The following SPIN1 variants were observed in gnomAD, a reference collection of about 807,000 sequenced individuals.
SPIN1 encodes the protein spindlin-1.
Under a neutral mutation model 26.0 loss-of-function variants are expected in SPIN1, and 3 were observed. The observed-to-expected ratio is 0.12, with a 90% CI of 0.05 to 0.30. SPIN1 has a LOEUF of 0.30. Ranked by LOEUF, SPIN1 falls within the 10% of genes least tolerant of loss-of-function variation. The pLI is 1.00. For missense variants in SPIN1, 126 were observed against 333.4 expected, an observed-to-expected ratio of 0.38 and a Z score of 4.84; for synonymous variants, 101 against 116.5, an observed-to-expected ratio of 0.87 and a Z score of 0.86.
intron 1 of SPIN1, among the ~76,000 whole-genome samples, chr9:88,398,460 A>G (rs1827115087): frequency 6.6e-6 from 1 of 152,074 alleles, no homozygotes; most frequent in East Asian, 1.9e-4. Context: ...GGCTCAAGCT[A>G]CCCTGTGCAG....
At chr9:88,424,731 G>A (rs974510451) in intron 1 of SPIN1, among the ~76,000 whole-genome samples, 2 of 152,174 alleles carry the variant, frequency 1.3e-5, no homozygotes, top group African/African-American at 4.8e-5. Context: ...AGTTATTGTT[G>A]ATAAAAAGGT....
rs146716311 is a variant in SPIN1 at position 88,422,204 on chromosome 9, G to A, written c.-158-4178G>A. ...CTATTGATGGGTCTCTCTGAATGCA[G>A]GACCTTCTTCTTAATGACCTTATAA... On this transcript the variant is annotated intron_variant, in intron 1 of 5. Coordinates refer to ENST00000375859, the MANE Select transcript of SPIN1 (RefSeq NM_006717.3). 3.6e-3 allele frequency among the ~76,000 whole-genome samples: 555 copies of A among 152,208 alleles called. 3 individuals are homozygous for A. The highest frequency in any genetic ancestry group is 5.7e-3 in the Non-Finnish European group (389 of 68,010).
rs776223657 is a variant in SPIN1 at position 88,436,754 on chromosome 9, C to CTTT, written c.52+10189_52+10191dup. On this transcript the variant is annotated intron_variant, in intron 2 of 5. Transcript: ENST00000375859. ...ATATGCACATAAATTTCCTCTGTGTCTTTTTTTTTTTTTTTTTTTTTTTTT... is the reference window on the plus strand; with the variant it reads ...ATATGCACATAAATTTCCTCTGTGTCTTTTTTTTTTTTTTTTTTTTTTTTTTTT... 1.4e-3 allele frequency among the ~76,000 whole-genome samples: 137 copies of CTTT among 98,794 alleles called. 21 individuals are homozygous for CTTT. Among genetic ancestry groups the CTTT allele is most frequent in the Non-Finnish European group, 2.6e-3 (124 of 48,568 alleles). 64.8% of individuals were successfully genotyped at this position (98,794 alleles called of 152,430 possible).
chr9:88,445,462 A>G (rs1828228581), intron 2 of SPIN1, among the ~76,000 whole-genome samples: 1 of 151,370 alleles, frequency 6.6e-6, no homozygotes, highest in African/African-American at 2.4e-5. Flanking sequence ...TTTAGTCTCC[A>G]AGGTAGTACA....
At chr9:88,441,802 AT>A (rs1194791127) in intron 2 of SPIN1, among the ~76,000 whole-genome samples, 1 of 147,750 alleles carries the variant, frequency 6.8e-6, no homozygotes, top group Non-Finnish European at 1.5e-5. Context: ...TTTTTATTAT[AT>A]TTTTGTATTA....
At chr9:88,457,986 T>C (rs1274402948) in intron 3 of SPIN1, 7 of 985,166 alleles carry the variant, frequency 7.1e-6, no homozygotes, top group African/African-American at 3.5e-5. Context: ...GTTTTTCTTT[T>C]ACTAAGGATT....
At chr9:88,425,149 G>A (rs1208457452) in intron 1 of SPIN1, among the ~76,000 whole-genome samples, 1 of 152,042 alleles carries the variant, frequency 6.6e-6, no homozygotes, top group African/African-American at 2.4e-5. Context: ...GAGAGGTTTG[G>A]GCAGGCTGGG....
intron 3 of SPIN1, among the ~76,000 whole-genome samples, chr9:88,457,621 A>C (rs1587811196): frequency 6.6e-6 from 1 of 152,188 alleles, no homozygotes; most frequent in Non-Finnish European, 1.5e-5. Context: ...CTGTAATTTT[A>C]GATGGTAAAA....
At chr9:88,447,703 A>G (rs899415855) in intron 2 of SPIN1, among the ~76,000 whole-genome samples, 1 of 152,208 alleles carries the variant, frequency 6.6e-6, no homozygotes, top group Non-Finnish European at 1.5e-5. Context: ...CCTTCTGAGT[A>G]GATCCCTTCT....
chr9:88,471,654 C>CAAAAAAAAAAA (rs1166469042), intron 5 of SPIN1, among the ~76,000 whole-genome samples: 5 of 59,756 alleles, frequency 8.4e-5, no homozygotes, highest in African/African-American at 1.3e-4. Context: ...GACTCTGTCT[C>CAAAAAAAAAAA]AAAAAAAAAA....
intron 2 of SPIN1, among the ~76,000 whole-genome samples, chr9:88,445,851 A>G (rs80266177): frequency 0.013 from 1,950 of 152,210 alleles, 22 homozygotes; most frequent in Middle Eastern, 0.034. Context: ...TGAGACCTGT[A>G]TGATTCAGAA....
At chr9:88,444,168 G>T (rs1828195786) in intron 2 of SPIN1, among the ~76,000 whole-genome samples, 1 of 151,156 alleles carries the variant, frequency 6.6e-6, no homozygotes, top group Non-Finnish European at 1.5e-5. Flanking sequence ...CTTTTTAAGT[G>T]CCAGATTCTC....
intron 1 of SPIN1, among the ~76,000 whole-genome samples, chr9:88,424,887 GT>G (rs1170790904): frequency 6.6e-6 from 1 of 152,148 alleles, no homozygotes; most frequent in Non-Finnish European, 1.5e-5. Context: ...AGGAAAAGAA[GT>G]AAAGCCAATA....
In SPIN1 at chr9:88,393,445, G is replaced by GTTTTTTTT; in HGVS notation, c.-159+4928_-159+4935dup. 1.4e-3 allele frequency among the ~76,000 whole-genome samples: 123 copies of GTTTTTTTT among 88,444 alleles called. 18 individuals are homozygous for GTTTTTTTT. The highest frequency in any genetic ancestry group is 4.6e-3 in the African/African-American group (83 of 17,922). 58.0% of individuals were successfully genotyped at this position (88,444 alleles called of 152,430 possible). On this transcript the variant is annotated intron_variant, in intron 1 of 5. Transcript: ENST00000375859. ...AGAATGTCCTTTTTCTTGCTTTTGG[G>GTTTTTTTT]TTTTTTTTTTTTTTTTTTTTTTTTT... is the stretch of plus-strand genomic sequence containing the variant.
At position 88,405,997 on chromosome 9, in the gene SPIN1, TTGTGTGTCTGTGTGTGTGTG is replaced by T. The variant is rs1168997484; in HGVS notation, c.-159+17467_-159+17486del. The stretch of plus-strand genomic sequence containing the variant: ...ACAGGCGCATGCCACCGTGCCTGGC[TTGTGTGTCTGTGTGTGTGTG>T]TGTGTGTGTGTGTGTGTGTGTGTGT... On this transcript the variant is annotated intron_variant, in intron 1 of 5. Coordinates refer to ENST00000375859, the MANE Select transcript of SPIN1 (RefSeq NM_006717.3). Among the ~76,000 whole-genome samples the T allele has an allele frequency of 5.0e-4, 69 of 138,948 alleles. 1 individual carries two copies. Among genetic ancestry groups the T allele is most frequent in the African/African-American group, 1.7e-3 (63 of 37,386 alleles). 91.2% of individuals were successfully genotyped at this position (138,948 alleles called of 152,430 possible). A position where few individuals can be genotyped will look rare whatever the true frequency, so the allele number is the denominator to read the frequency against.
intron 2 of SPIN1, among the ~76,000 whole-genome samples, chr9:88,440,026 C>CTTTG (rs1479917998): frequency 6.6e-6 from 1 of 152,030 alleles, no homozygotes; most frequent in African/African-American, 2.4e-5. Flanking sequence ...ATTATCTGTT[C>CTTTG]TTTGCCCTTG....
chr9:88,468,995 T>G (rs2118217682), intron 5 of SPIN1, among the ~76,000 whole-genome samples: 1 of 152,324 alleles, frequency 6.6e-6, no homozygotes, highest in African/African-American at 2.4e-5. Flanking sequence ...GTGCAATTAT[T>G]TTGAATCTAA....
chr9:88,412,518 G>T (rs1827471353), intron 1 of SPIN1, among the ~76,000 whole-genome samples: 4 of 152,120 alleles, frequency 2.6e-5, no homozygotes, highest in Admixed American at 6.6e-5. Context: ...GGCAGAGGGG[G>T]TTGTGCCATG....
At chr9:88,395,310 C>T (rs1446931485) in intron 1 of SPIN1, among the ~76,000 whole-genome samples, 1 of 151,754 alleles carries the variant, frequency 6.6e-6, no homozygotes, top group Admixed American at 6.6e-5. Flanking sequence ...ATTTTTGTTT[C>T]CCTTTCCTAC....
Sources: allele counts gnomAD v4.1 joint callset (sites outside exome capture counted in the v4.1 genomes callset), GRCh38; gene constraint gnomAD v4.1.1; transcripts MANE v1.5; gene names NCBI Gene and HGNC (gene_info 2026-07-23, HGNC 2026-07-21).